FGGY: variants seen among roughly 807,000 people sequenced by gnomAD.
The protein encoded by FGGY is FGGY carbohydrate kinase domain-containing protein.
In FGGY, 72 loss-of-function variants were observed where a neutral mutation model predicts 71.3. The observed-to-expected ratio is 1.01, with a 90% confidence interval of 0.84 to 1.23. The LOEUF is 1.23. FGGY is among the 50% of genes most tolerant of loss of function. The pLI is 0.00. For missense variants in FGGY, 668 were observed against 682.3 expected (o/e 0.98, Z 0.23); for synonymous variants, 251 against 250.3 (o/e 1.00, Z -0.02).
At chr1:59,673,809 T>C (rs2097405330) in intron 13 of FGGY, 1 of 492,594 alleles carries the variant, frequency 2.0e-6, no homozygotes, top group Non-Finnish European at 3.7e-6. Context: ...AGTTGATATA[T>C]ATGGTGTTGG....
chr1:59,374,738 T>C (rs1021178689), intron 4 of FGGY, among the ~76,000 whole-genome samples: 1 of 151,252 alleles, frequency 6.6e-6, no homozygotes, highest in Non-Finnish European at 1.5e-5. Flanking sequence ...AAATGTTGAG[T>C]TCACATCATG....
chr1:59,550,695 C>G (rs2095595555), intron 7 of FGGY, among the ~76,000 whole-genome samples: 1 of 152,178 alleles, frequency 6.6e-6, no homozygotes, highest in Non-Finnish European at 1.5e-5. Context: ...GGGGCTGAAA[C>G]TCTTGTTTTT....
intron 5 of FGGY, among the ~76,000 whole-genome samples, chr1:59,429,079 A>T (rs1447265491): frequency 6.6e-6 from 1 of 152,250 alleles, no homozygotes; most frequent in African/African-American, 2.4e-5. Flanking sequence ...CCCATGTGGC[A>T]GACAGCTTTC....
In FGGY at chr1:59,655,828, G is replaced by A. The variant is rs147520626; in HGVS notation, c.1222-4391G>A. Reference sequence around the variant, plus strand: ...AATTTGAGGTATTATCCCTTTTTTTGTGGATGAAAAAATTGAGCTCATAGA... The same window carrying A: ...AATTTGAGGTATTATCCCTTTTTTTATGGATGAAAAAATTGAGCTCATAGA... On this transcript the variant is annotated intron_variant, in intron 11 of 15. Coordinates refer to ENST00000303721, the MANE Select transcript of FGGY (RefSeq NM_018291.5). Among the ~76,000 whole-genome samples, 54 of 151,674 alleles carry A rather than the reference G, an allele frequency of 3.6e-4. 1 individual carries two copies. The highest frequency in any genetic ancestry group is 1.2e-3 in the African/African-American group (51 of 41,392).
intron 14 of FGGY, chr1:59,699,521 G>A (rs2097692683): frequency 1.8e-6 from 1 of 559,494 alleles, no homozygotes; most frequent in South Asian, 7.9e-5. Flanking sequence ...AGTATTTGTG[G>A]GTCATTGGGG....
At chr1:59,641,190 G>T in intron 11 of FGGY, 1 of 848,838 alleles carries the variant, frequency 1.2e-6, no homozygotes, top group African/African-American at 1.8e-5. Context: ...CTACAATTTT[G>T]GCTCCTTGTA....
chr1:59,734,245 C>T (rs1343919995), intron 14 of FGGY, among the ~76,000 whole-genome samples: 1 of 152,202 alleles, frequency 6.6e-6, no homozygotes, highest in African/African-American at 2.4e-5. Context: ...GCTCTGGTGA[C>T]CAGACTGGAG....
At chr1:59,701,986 A>G (rs938797942) in intron 14 of FGGY, among the ~76,000 whole-genome samples, 7 of 152,198 alleles carry the variant, frequency 4.6e-5, no homozygotes, top group African/African-American at 1.4e-4. Flanking sequence ...TTTAAAAACA[A>G]AAAAAGGTTT....
At chr1:59,610,160 C>T (rs1298090826) in intron 9 of FGGY, among the ~76,000 whole-genome samples, 1 of 152,180 alleles carries the variant, frequency 6.6e-6, no homozygotes, top group Non-Finnish European at 1.5e-5. Flanking sequence ...TGGTTTCCTG[C>T]ACCTGTCAAC....
chr1:59,663,121 G>C (rs905149154), intron 12 of FGGY, among the ~76,000 whole-genome samples: 1 of 152,146 alleles, frequency 6.6e-6, no homozygotes, highest in Non-Finnish European at 1.5e-5. Context: ...CTGTGTGCCA[G>C]GCACCAAAGA....
chr1:59,603,375 C>A (rs546340808), intron 8 of FGGY, among the ~76,000 whole-genome samples: 1 of 152,308 alleles, frequency 6.6e-6, no homozygotes, highest in East Asian at 1.9e-4. Flanking sequence ...AGACCAAGGA[C>A]AAATCTAGAG....
chr1:59,537,607 G>T lies in FGGY; in HGVS notation c.800-16517G>T, dbSNP rs974943675. ...CCTGACTTCAAGCTATACTACAAGGGTACAGTAACCAAAACAGCATGGTAC... is the reference window on the plus strand; with the variant it reads ...CCTGACTTCAAGCTATACTACAAGGTTACAGTAACCAAAACAGCATGGTAC... On this transcript the variant is annotated intron_variant, in intron 7 of 15. Transcript: ENST00000303721. 1.3e-5 allele frequency among the ~76,000 whole-genome samples: 2 copies of T among 152,010 alleles called. 1 individual carries two copies. The highest frequency in any genetic ancestry group is 4.8e-5 in the African/African-American group (2 of 41,376).
chr1:59,476,035 G>T (rs2093249922), intron 6 of FGGY, among the ~76,000 whole-genome samples: 1 of 152,152 alleles, frequency 6.6e-6, no homozygotes, highest in African/African-American at 2.4e-5. Context: ...CAACCACAAT[G>T]ACCTTCTTTT....
intron 14 of FGGY, among the ~76,000 whole-genome samples, chr1:59,748,925 C>G (rs915756748): frequency 6.6e-6 from 1 of 152,118 alleles, no homozygotes; most frequent in African/African-American, 2.4e-5. Flanking sequence ...AACTTTCAGC[C>G]CCTCCCCTGA....
At chr1:59,323,394 A>G (rs2046761540) in intron 2 of FGGY, among the ~76,000 whole-genome samples, 2 of 152,254 alleles carry the variant, frequency 1.3e-5, no homozygotes, top group South Asian at 4.1e-4. Context: ...CTATTGCACT[A>G]TAGCAAACCT....
At chr1:59,659,365 T>C (rs1301311479) in intron 11 of FGGY, among the ~76,000 whole-genome samples, 1 of 152,146 alleles carries the variant, frequency 6.6e-6, no homozygotes, top group Non-Finnish European at 1.5e-5. Context: ...TCAGCTCCCT[T>C]ATTTTGATGC....
At chr1:59,526,431 A>C (rs2094981530) in intron 7 of FGGY, among the ~76,000 whole-genome samples, 1 of 152,372 alleles carries the variant, frequency 6.6e-6, no homozygotes, top group African/African-American at 2.4e-5. Context: ...GGCACTGGGA[A>C]TACCAGGATG....
intron 4 of FGGY, among the ~76,000 whole-genome samples, chr1:59,370,687 A>T (rs985922064): frequency 6.6e-6 from 1 of 151,940 alleles, no homozygotes; most frequent in Admixed American, 6.6e-5. Context: ...AGGGAAGCCC[A>T]TCAGACTAAC....
intron 8 of FGGY, among the ~76,000 whole-genome samples, chr1:59,563,567 C>T (rs1018356642): frequency 3.3e-5 from 5 of 152,160 alleles, no homozygotes; most frequent in African/African-American, 4.8e-5. Flanking sequence ...AAAAACATTC[C>T]ATGCTCATGG....
Sources: gnomAD v4.1 joint callset for allele counts (sites outside exome capture counted in the v4.1 genomes callset) on GRCh38, gnomAD v4.1.1 for gene constraint, MANE v1.5 for transcripts, NCBI Gene and HGNC (gene_info 2026-07-23, HGNC 2026-07-21) for gene names.